FAM118A: variants seen among roughly 807,000 people sequenced by gnomAD.
FAM118A encodes the protein protein FAM118A.
Under a neutral mutation model 38.2 loss-of-function variants are expected in FAM118A, and 25 were observed. That is an observed-to-expected ratio of 0.65 (90% CI 0.48 to 0.91). The LOEUF (loss-of-function observed/expected upper bound fraction) is 0.91. Among genes scored for constraint, FAM118A ranks in the 40% least tolerant of loss-of-function variants. The probability of loss-of-function intolerance (pLI) is 0.00; values close to 1 mark genes in which losing one functional copy is unlikely to be tolerated. For synonymous variants in FAM118A, 178 were observed against 184.1 expected (o/e 0.97, Z 0.27); for missense variants, 425 against 463.3 (o/e 0.92, Z 0.76).
At chr22:45,323,585 G>A (rs1477769906) in intron 3 of FAM118A, among the ~76,000 whole-genome samples, 158 bp downstream of exon 3, 2 of 152,268 alleles carry the variant, frequency 1.3e-5, no homozygotes, top group Admixed American at 6.5e-5. Context: ...TCGGGGTGTC[G>A]TCTTTTAAAA....
intron 1 of FAM118A, chr22:45,321,643 C>T (rs6007587): frequency 0.44 from 67,228 of 152,872 alleles, 18,011 homozygotes; most frequent in African/African-American, 0.75. Flanking sequence ...TCTTGAACTC[C>T]TGAGTTCAAG....
chr22:45,340,520 T>C lies in FAM118A; in HGVS notation c.*115T>C, dbSNP rs2086410920. 7.9e-7 allele frequency: 1 copy of C among 1,273,312 alleles called. No homozygotes were observed. The highest frequency in any genetic ancestry group is 1.1e-6 in the Non-Finnish European group (1 of 872,436). The allele number at this position is 1,273,312 out of a possible 1,614,324, so 78.9% of individuals were successfully genotyped here. ...GATCTCTGATTGCGAAACCGTCACA[T>C]ACACCAAGAGAGCCACATGGGCATG... On this transcript the variant is annotated 3_prime_UTR_variant, in exon 9 of 9. Coordinates refer to ENST00000441876, the MANE Select transcript of FAM118A (RefSeq NM_017911.4).
intron 1 of FAM118A, chr22:45,322,156 T>G (rs2084917438): frequency 6.7e-7 from 1 of 1,492,342 alleles, no homozygotes; most frequent in Non-Finnish European, 9.0e-7. Context: ...ACAGCGAGAG[T>G]CCAACCAGCC....
chr22:45,313,871 CTTTAAT>C (rs1336472636), intron 1 of FAM118A, among the ~76,000 whole-genome samples: 1 of 152,198 alleles, frequency 6.6e-6, no homozygotes, highest in Admixed American at 6.5e-5. Flanking sequence ...TTTTATTTAG[CTTTAAT>C]TTTAATTAAA....
intron 3 of FAM118A, among the ~76,000 whole-genome samples, chr22:45,325,979 G>A (rs963559355): frequency 1.3e-5 from 2 of 152,152 alleles, no homozygotes; most frequent in African/African-American, 4.8e-5. Context: ...CAGTGGGAGG[G>A]TTTGGGTGGT....
At position 45,331,888 on chromosome 22, in the gene FAM118A, T is replaced by C. The variant is rs577105832; in HGVS notation, c.652-537T>C. 5.0e-4 allele frequency among the ~76,000 whole-genome samples: 57 copies of C among 113,978 alleles called. 1 individual carries two copies. In the South Asian group the frequency reaches 0.014, roughly 28 times the overall value. The allele number at this position is 113,978 out of a possible 152,430, so 74.8% of individuals were successfully genotyped here. On this transcript the variant is annotated intron_variant, in intron 5 of 8. Coordinates refer to ENST00000441876, the MANE Select transcript of FAM118A (RefSeq NM_017911.4). ...GCCCACCCGACCCCGTCAGTCATGG[T>C]CACTGATCCCCTCCTCAGCTCTCTT...
intron 1 of FAM118A, among the ~76,000 whole-genome samples, chr22:45,315,030 G>T (rs1013497833): frequency 6.6e-6 from 1 of 152,240 alleles, no homozygotes; most frequent in East Asian, 1.9e-4. Flanking sequence ...GAGATAGTGC[G>T]TGTAAAACGC....
chr22:45,332,924 G>A (rs1366513781), intron 6 of FAM118A, among the ~76,000 whole-genome samples: 1 of 151,844 alleles, frequency 6.6e-6, no homozygotes, highest in African/African-American at 2.4e-5. Context: ...TGTATTTTTA[G>A]TAGAGATAGG....
At chr22:45,310,439 C>T (rs1292499799) in intron 1 of FAM118A, among the ~76,000 whole-genome samples, 1 of 152,046 alleles carries the variant, frequency 6.6e-6, no homozygotes, top group African/African-American at 2.4e-5. Flanking sequence ...ACTGTTGGTT[C>T]CGGAAACTCT....
intron 8 of FAM118A, among the ~76,000 whole-genome samples, chr22:45,337,414 G>C (rs988137270): frequency 1.3e-5 from 2 of 152,158 alleles, no homozygotes; most frequent in African/African-American, 4.8e-5. Context: ...GTCAAATGTG[G>C]CTTGTTCTTA....
At position 45,340,604 on chromosome 22, in the gene FAM118A, C is replaced by T. The variant is rs2064068; in HGVS notation, c.*199C>T. The stretch of plus-strand genomic sequence containing the variant: ...TGTGTTGAACTATGCAGGAGGGTGA[C>T]GCGGACACATTTCAGGTGGACTTTG... On this transcript the variant is annotated 3_prime_UTR_variant, in exon 9 of 9. Transcript: ENST00000441876. The T allele has an allele frequency of 0.47, 287,282 of 613,240 alleles. 73,072 individuals carry two copies. The highest frequency in any genetic ancestry group is 0.55 in the Non-Finnish European group (188,966 of 345,346). 38.0% of individuals were successfully genotyped at this position (613,240 alleles called of 1,614,324 possible).
At chr22:45,332,960 C>T (rs576180157) in intron 6 of FAM118A, among the ~76,000 whole-genome samples, 5 of 152,090 alleles carry the variant, frequency 3.3e-5, no homozygotes, top group Admixed American at 3.3e-4. Flanking sequence ...TCAGGCTGGT[C>T]TCGAACTCCT....
At chr22:45,323,774 G>T (rs939195315) in intron 3 of FAM118A, among the ~76,000 whole-genome samples, 8 of 152,180 alleles carry the variant, frequency 5.3e-5, no homozygotes, top group Non-Finnish European at 1.2e-4. Context: ...TAAGCAGGCC[G>T]GCCATATTTC....
chr22:45,333,484 CTA>C (rs1164680540), intron 6 of FAM118A, among the ~76,000 whole-genome samples: 2 of 152,042 alleles, frequency 1.3e-5, no homozygotes, highest in African/African-American at 4.8e-5. Context: ...ACCATCCTGG[CTA>C]ACACGGTGAA....
chr22:45,332,783 G>A (rs1477977965), intron 6 of FAM118A, 73 bp downstream of exon 6: 1 of 1,465,976 alleles, frequency 6.8e-7, no homozygotes. Context: ...TTTTGCTCTT[G>A]TTGCCCAGGC....
chr22:45,333,450 G>C (rs1245754332), intron 6 of FAM118A, among the ~76,000 whole-genome samples: 1 of 152,026 alleles, frequency 6.6e-6, no homozygotes, highest in Non-Finnish European at 1.5e-5. Flanking sequence ...TGAGGTGGGT[G>C]GATCACGAGG....
chr22:45,316,383 C>A (rs1331250942), intron 1 of FAM118A, among the ~76,000 whole-genome samples: 1 of 152,144 alleles, frequency 6.6e-6, no homozygotes. Flanking sequence ...CTCTCCCAAG[C>A]CTACGTGGGA....
chr22:45,318,641 G>A (rs937053134), intron 1 of FAM118A: 3 of 152,164 alleles, frequency 2.0e-5, no homozygotes, highest in Non-Finnish European at 4.4e-5. Context: ...AGGAAATGAG[G>A]TAATGTCTTT....
intron 2 of FAM118A, 128 bp from the exon 3 acceptor site, chr22:45,323,047 G>A: frequency 1.2e-6 from 1 of 867,550 alleles, no homozygotes; most frequent in South Asian, 1.7e-5. Flanking sequence ...GGGACTGTGT[G>A]TGTGTGTGTG....
Sources: gnomAD v4.1 joint callset for allele counts (sites outside exome capture counted in the v4.1 genomes callset) on GRCh38, gnomAD v4.1.1 for gene constraint, MANE v1.5 for transcripts, NCBI Gene and HGNC (gene_info 2026-07-23, HGNC 2026-07-21) for gene names.